Variants in CDH8 observed in about 807,000 individuals in gnomAD.
The protein encoded by CDH8 is cadherin-8.
Under a neutral mutation model 68.1 loss-of-function variants are expected in CDH8, and 17 were observed. That is an observed-to-expected ratio of 0.25 (90% confidence interval 0.17 to 0.37). The LOEUF is 0.37. Among genes scored for constraint, CDH8 ranks in the 10% least tolerant of loss-of-function variants. The pLI is 1.00. For synonymous variants in CDH8, 372 were observed against 365.1 expected, an observed-to-expected ratio of 1.02 and a Z score of -0.21; for missense variants, 763 against 999.3, an observed-to-expected ratio of 0.76 and a Z score of 3.19.
chr16:61,744,116 ACT>A (rs1276828615), intron 8 of CDH8, among the ~76,000 whole-genome samples: 7 of 151,930 alleles, frequency 4.6e-5, no homozygotes, highest in Non-Finnish European at 7.4e-5. Context: ...TTTTTCTGTA[ACT>A]CTTTCGTGCA....
At chr16:61,916,658 A>G (rs2143358472) in intron 2 of CDH8, among the ~76,000 whole-genome samples, 1 of 152,290 alleles carries the variant, frequency 6.6e-6, no homozygotes, top group African/African-American at 2.4e-5. Flanking sequence ...TGCAATGAAA[A>G]GTTGTCAGCA....
At chr16:61,770,972 A>T (rs1262768018) in intron 8 of CDH8, among the ~76,000 whole-genome samples, 2 of 151,996 alleles carry the variant, frequency 1.3e-5, no homozygotes, top group Admixed American at 1.3e-4. Flanking sequence ...AAAACTCTTT[A>T]ATCTGGACTG....
chr16:61,992,050 T>TTGTGTGTGTGTGTGTGTGTGTG (rs11271459), intron 2 of CDH8, among the ~76,000 whole-genome samples: 4 of 144,320 alleles, frequency 2.8e-5, no homozygotes, highest in African/African-American at 1.0e-4. Context: ...TGCTAAATCT[T>TTGTGTGTGTGTGTGTGTGTGTG]TGTGTGTGTG....
chr16:61,910,965 G>A (rs1964151630), intron 2 of CDH8, among the ~76,000 whole-genome samples: 1 of 152,042 alleles, frequency 6.6e-6, no homozygotes, highest in Non-Finnish European at 1.5e-5. Flanking sequence ...CATTCAATAA[G>A]CAATGATATA....
In CDH8 at chr16:61,652,477, A is replaced by G. The variant is rs1250362791; in HGVS notation, c.*1131T>C. On this transcript the variant is annotated 3_prime_UTR_variant, in exon 12 of 12. Coordinates refer to ENST00000577390, the MANE Select transcript of CDH8 (RefSeq NM_001796.5). ...AATACTAGGATTATGAACAAAATAG[A>G]AAACAGTCCAAAAGTTTGTCTGGGA... The G allele has an allele frequency of 9.1e-6, 9 of 991,486 alleles. No individual in the cohort carries two copies. Among genetic ancestry groups the G allele is most frequent in the Non-Finnish European group, 1.1e-5 (9 of 833,976 alleles). The allele number at this position is 991,486 out of a possible 1,614,324, so 61.4% of individuals were successfully genotyped here. A position where few individuals can be genotyped will look rare whatever the true frequency, so the allele number is the denominator to read the frequency against.
intron 3 of CDH8, among the ~76,000 whole-genome samples, chr16:61,858,353 A>C (rs1963088146): frequency 6.6e-6 from 1 of 152,208 alleles, no homozygotes; most frequent in Admixed American, 6.5e-5. Context: ...GAAAAGGCAA[A>C]GTAGTGGGAG....
rs757226941 is a variant in CDH8, at chr16:61,654,074, C to T, written c.1934G>A (p.Arg645Gln). Reference sequence around the variant, plus strand: ...AATTAATGGTTCATTTTTATGCCGCCGTAGAGTTACAAACAGCACCACGAT... The same window carrying T: ...AATTAATGGTTCATTTTTATGCCGCTGTAGAGTTACAAACAGCACCACGAT... ...LVIVVLFVTL[R>Q]RHKNEPLIIK... Residue 645 changes from arginine to glutamine, a missense_variant, in exon 12 of 12, where the codon CGG becomes CAG. Around this residue, in one of 2 missense-constraint regions of CDH8, gnomAD observed 397 missense variants for 436.2 expected, o/e 0.91. Transcript: ENST00000577390. The T allele has an allele frequency of 2.0e-5, 33 of 1,613,672 alleles. No individual in the cohort carries two copies. The highest frequency in any genetic ancestry group is 4.0e-5 in the African/African-American group (3 of 74,846).
At chr16:61,871,815 C>CAAAAAAA (rs144379377) in intron 3 of CDH8, among the ~76,000 whole-genome samples, 13 of 43,346 alleles carry the variant, frequency 3.0e-4, no homozygotes, top group Non-Finnish European at 4.0e-4. Context: ...GTTCTATATG[C>CAAAAAAA]AAAAAAAAAA....
At chr16:61,914,057 A>C (rs1322810969) in intron 2 of CDH8, among the ~76,000 whole-genome samples, 1 of 152,118 alleles carries the variant, frequency 6.6e-6, no homozygotes, top group Non-Finnish European at 1.5e-5. Flanking sequence ...AAGAAGAGGT[A>C]ATTTGGACCC....
chr16:61,777,093 G>C (rs903075656), intron 8 of CDH8, among the ~76,000 whole-genome samples: 1 of 152,030 alleles, frequency 6.6e-6, no homozygotes, highest in African/African-American at 2.4e-5. Flanking sequence ...TTATGAGCCT[G>C]GATACTTAAC....
intron 8 of CDH8, among the ~76,000 whole-genome samples, chr16:61,782,917 C>T (rs1567468699): frequency 6.6e-6 from 1 of 152,058 alleles, no homozygotes; most frequent in Admixed American, 6.5e-5. Flanking sequence ...AAAGGACATC[C>T]ACACCGAAAA....
intron 8 of CDH8, among the ~76,000 whole-genome samples, chr16:61,739,587 A>C (rs1373203404): frequency 2.0e-5 from 3 of 151,840 alleles, no homozygotes; most frequent in Non-Finnish European, 4.4e-5. Context: ...AGCTTTTGCC[A>C]TTACTTTCAA....
At chr16:61,960,633 T>A (rs1394324613) in intron 2 of CDH8, among the ~76,000 whole-genome samples, 3 of 152,060 alleles carry the variant, frequency 2.0e-5, no homozygotes, top group Non-Finnish European at 4.4e-5. Flanking sequence ...ACTGAGCAAA[T>A]GGATGAATTA....
In CDH8 at chr16:61,867,547, T is replaced by C. The variant is rs563469518; in HGVS notation, c.548-10309A>G. On this transcript the variant is annotated intron_variant, in intron 3 of 11. Transcript: ENST00000577390. ...GCAGAAAAAGATAATCTCAGGTCAA[T>C]GTTCACAGGTGGGGCTGCAAATCTA... Among the ~76,000 whole-genome samples, 6 of 152,264 alleles carry C rather than the reference T, an allele frequency of 3.9e-5. No homozygotes were observed. The South Asian group carries it at 8.3e-4, about 21-fold the overall frequency.
chr16:61,917,243 T>C (rs996207250), intron 2 of CDH8, among the ~76,000 whole-genome samples: 1 of 152,086 alleles, frequency 6.6e-6, no homozygotes, highest in Admixed American at 6.6e-5. Context: ...ACCTGGTCAT[T>C]TTCTTCAGGG....
intron 4 of CDH8, among the ~76,000 whole-genome samples, chr16:61,852,896 T>G (rs976776879): frequency 1.3e-5 from 1 of 75,670 alleles, no homozygotes; most frequent in Non-Finnish European, 2.4e-5. Flanking sequence ...CTTCCTTCCA[T>G]TCTTCCTTCC....
intron 10 of CDH8, among the ~76,000 whole-genome samples, chr16:61,706,620 CAAAA>C (rs781148249): frequency 5.0e-5 from 3 of 60,402 alleles, no homozygotes; most frequent in Admixed American, 2.1e-4. Flanking sequence ...GACTCTGTCT[CAAAA>C]AAAAAAAAAA....
chr16:61,838,142 TATATCAA>T (rs1597008592), intron 4 of CDH8, among the ~76,000 whole-genome samples: 2 of 152,118 alleles, frequency 1.3e-5, no homozygotes, highest in East Asian at 3.9e-4. Context: ...AAATTAACTC[TATATCAA>T]ATAGGTAATC....
intron 8 of CDH8, among the ~76,000 whole-genome samples, chr16:61,760,191 T>C (rs989304180): frequency 6.6e-6 from 1 of 152,200 alleles, no homozygotes; most frequent in Non-Finnish European, 1.5e-5. Flanking sequence ...ACCCATACTA[T>C]ACATTTTTGA....
Sources: allele counts gnomAD v4.1 joint callset (sites outside exome capture counted in the v4.1 genomes callset), GRCh38; gene constraint gnomAD v4.1.1; regional missense constraint gnomAD v4.1.1; transcripts MANE v1.5; gene names NCBI Gene and HGNC (gene_info 2026-07-23, HGNC 2026-07-21).